The following KCNK12 variants were observed in gnomAD, a reference collection of about 807,000 sequenced individuals.
KCNK12 encodes the protein potassium channel subfamily K member 12.
A neutral mutation model predicts 25.3 loss-of-function variants in KCNK12; 6 were observed. The ratio of observed to expected loss-of-function variants is 0.24; its 90% CI spans 0.13 to 0.47. The LOEUF (loss-of-function observed/expected upper bound fraction) is 0.47. KCNK12 is among the 20% of genes least tolerant of loss of function. KCNK12 has a pLI of 0.99. For synonymous variants in KCNK12, 331 were observed against 311.1 expected (o/e 1.06, Z -0.67); for missense variants, 444 against 661.7 (o/e 0.67, Z 3.61).
rs1428777869 is a variant in KCNK12 at position 47,560,473 on chromosome 2, CA to C, written c.391+9467del. Among the ~76,000 whole-genome samples, 1 of 152,178 alleles carries C rather than the reference CA, an allele frequency of 6.6e-6. No individual in the cohort carries two copies. Among genetic ancestry groups the C allele is most frequent in the East Asian group, 1.9e-4 (1 of 5,192 alleles). On this transcript the variant is annotated intron_variant, in intron 1 of 1. Transcript: ENST00000327876. This position sits in a 1 kb window ranked among gnomAD's most constrained non-coding sequence, Gnocchi z 4.7. ...TGCCTCCTCATCCTCCTCCTCCACC[CA>C]CACAACCCTGCAGACCCCAGGCTGG... is the stretch of plus-strand genomic sequence containing the variant.
Position 47,538,643 on chromosome 2 carries a change from T to C in KCNK12, c.392-16835A>G, listed in dbSNP as rs1669128876. On this transcript the variant is annotated intron_variant, in intron 1 of 1. Coordinates refer to ENST00000327876, the MANE Select transcript of KCNK12 (RefSeq NM_022055.2). This position sits in a 1 kb window ranked among gnomAD's most constrained non-coding sequence, Gnocchi z 4.5. ...AAAATTAGCCAGGCATGGTGGTGCATGCCTGTAATCCCAGTTACTTGGAAG... is the reference window on the plus strand; with the variant it reads ...AAAATTAGCCAGGCATGGTGGTGCACGCCTGTAATCCCAGTTACTTGGAAG... 6.6e-6 allele frequency among the ~76,000 whole-genome samples: 1 copy of C among 152,110 alleles called. No homozygotes were observed. Among genetic ancestry groups the C allele is most frequent in the Non-Finnish European group, 1.5e-5 (1 of 68,026 alleles).
chr2:47,552,967 C>G (rs139500083), intron 1 of KCNK12, among the ~76,000 whole-genome samples: 1 of 152,112 alleles, frequency 6.6e-6, no homozygotes. Flanking sequence ...TATCTCTTAC[C>G]CCTTTTCTTT....
intron 1 of KCNK12, among the ~76,000 whole-genome samples, chr2:47,561,855 G>A (rs1023042074): frequency 6.6e-6 from 1 of 152,160 alleles, no homozygotes; most frequent in Non-Finnish European, 1.5e-5. Context: ...GGTGTGTTTA[G>A]AGTCGACACT....
rs974165965 is a variant in KCNK12 at position 47,556,140 on chromosome 2, G to C, written c.391+13801C>G. 1.3e-5 allele frequency among the ~76,000 whole-genome samples: 2 copies of C among 152,182 alleles called. No individual in the cohort carries two copies. The highest frequency in any genetic ancestry group is 2.9e-5 in the Non-Finnish European group (2 of 68,034). On this transcript the variant is annotated intron_variant, in intron 1 of 1. Coordinates refer to ENST00000327876, the MANE Select transcript of KCNK12 (RefSeq NM_022055.2). This position sits in a 1 kb window ranked among gnomAD's most constrained non-coding sequence, Gnocchi z 4.8. ...CAGAGAAATGGGAAAGTAGCAGGAG[G>C]GTGATGCAGGGTCTATTAAGAAGGA...
Position 47,569,872 on chromosome 2 carries a change from C to T in KCNK12, c.391+69G>A. ...GAGCCGAGGGACGCGGACCGAGCGG[C>T]CGAGCAGTGGAAAGGGCGGCAGGTG... On this transcript the variant is annotated intron_variant, in intron 1 of 1. Transcript: ENST00000327876. The surrounding 1 kb of genome is among the most constrained non-coding windows in gnomAD (Gnocchi z 4.1). 3.2e-6 allele frequency: 4 copies of T among 1,231,122 alleles called. No individual in the cohort carries two copies. In the South Asian group the frequency reaches 8.3e-5, roughly 26 times the overall value. 76.3% of individuals were successfully genotyped at this position (1,231,122 alleles called of 1,614,324 possible).
chr2:47,521,325 T>C lies in KCNK12; in HGVS notation c.875A>G (p.Tyr292Cys). The part of the protein sequence containing the change: ...LFILLGVCCI[Y>C]SLFNVISILI... ...GATGGAGATGACGTTGAAGAGCGAG[T>C]AAATGCAGCACACGCCGAGCAGGAT... is the stretch of plus-strand genomic sequence containing the variant. The change falls in exon 2 of 2, where the codon TAC becomes TGC. Residue 292 changes from tyrosine to cysteine, a missense_variant. Coordinates refer to ENST00000327876, the MANE Select transcript of KCNK12 (RefSeq NM_022055.2). 1 of 1,613,300 alleles carries C rather than the reference T, an allele frequency of 6.2e-7. No homozygotes were observed. The highest frequency in any genetic ancestry group is 8.5e-7 in the Non-Finnish European group (1 of 1,179,798).
chr2:47,532,427 T>G (rs1385434082), intron 1 of KCNK12, among the ~76,000 whole-genome samples: 2 of 152,028 alleles, frequency 1.3e-5, no homozygotes, highest in African/African-American at 4.8e-5. Flanking sequence ...AGTGGTATGA[T>G]CTTAGTTCAC....
chr2:47,539,810 C>A (rs994266084), intron 1 of KCNK12, among the ~76,000 whole-genome samples: 18 of 152,136 alleles, frequency 1.2e-4, no homozygotes, highest in African/African-American at 4.3e-4. Flanking sequence ...CCCGGGGAGG[C>A]CAAGGACATC....
chr2:47,564,629 C>CG (rs1448829649), intron 1 of KCNK12: 1 of 182,838 alleles, frequency 5.5e-6, no homozygotes, highest in Non-Finnish European at 1.2e-5. Flanking sequence ...TGACAAGGAA[C>CG]TGCAGGGGAA....
rs1432378971 is a variant in KCNK12 at position 47,533,628 on chromosome 2, C to T, written c.392-11820G>A. On this transcript the variant is annotated intron_variant, in intron 1 of 1. Transcript: ENST00000327876. This position sits in a 1 kb window ranked among gnomAD's most constrained non-coding sequence, Gnocchi z 4.7. The stretch of plus-strand genomic sequence containing the variant: ...CATCTCCCCACCTCTGGCTCACTTC[C>T]TGCTTTGGCCCCTACGCTGGGTAGG... 6.6e-6 allele frequency among the ~76,000 whole-genome samples: 1 copy of T among 152,248 alleles called. No individual in the cohort carries two copies. The highest frequency in any genetic ancestry group is 1.5e-5 in the Non-Finnish European group (1 of 68,046).
chr2:47,524,521 T>C (rs539083749), intron 1 of KCNK12, among the ~76,000 whole-genome samples: 2 of 152,172 alleles, frequency 1.3e-5, no homozygotes. Context: ...CAGCCTTTTT[T>C]AGGGATGCAT....
In KCNK12 at chr2:47,551,055, G is replaced by A. The variant is rs1165885088; in HGVS notation, c.391+18886C>T. On this transcript the variant is annotated intron_variant, in intron 1 of 1. Transcript: ENST00000327876. This position sits in a 1 kb window ranked among gnomAD's most constrained non-coding sequence, Gnocchi z 5.3. Reference sequence around the variant, plus strand: ...TGCTTCTTCTCAAAATCCTCCCGTGGCTCCCCATTTCACTCAGAGTAAAAC... The same window carrying A: ...TGCTTCTTCTCAAAATCCTCCCGTGACTCCCCATTTCACTCAGAGTAAAAC... 6.6e-6 allele frequency among the ~76,000 whole-genome samples: 1 copy of A among 151,984 alleles called. No individual in the cohort carries two copies. The highest frequency in any genetic ancestry group is 2.4e-5 in the African/African-American group (1 of 41,366).
intron 1 of KCNK12, among the ~76,000 whole-genome samples, chr2:47,537,322 G>A (rs1052128738): frequency 3.3e-5 from 5 of 150,170 alleles, no homozygotes; most frequent in African/African-American, 1.2e-4. Context: ...TTGTGAAAAT[G>A]GGTGATTTTC....
intron 1 of KCNK12, among the ~76,000 whole-genome samples, chr2:47,561,884 G>C (rs1034534748): frequency 6.6e-6 from 1 of 152,220 alleles, no homozygotes; most frequent in African/African-American, 2.4e-5. Flanking sequence ...CTGGAAGGAA[G>C]GATATGAGCC....
chr2:47,531,612 G>A (rs989534806), intron 1 of KCNK12, among the ~76,000 whole-genome samples: 1 of 152,214 alleles, frequency 6.6e-6, no homozygotes, highest in African/African-American at 2.4e-5. Flanking sequence ...TGCTGGTGAA[G>A]CCTGGCCCAT....
intron 1 of KCNK12, among the ~76,000 whole-genome samples, chr2:47,532,965 G>A (rs112497670): frequency 2.9e-4 from 44 of 152,180 alleles, no homozygotes; most frequent in African/African-American, 1.0e-3. Context: ...TTACCTTCTC[G>A]GACCCTCGCT....
intron 1 of KCNK12, chr2:47,563,663 A>T (rs1347453180): frequency 4.3e-6 from 1 of 232,716 alleles, no homozygotes; most frequent in East Asian, 6.0e-5. Flanking sequence ...ACTGGTCCGG[A>T]CTCCAGCCCC....
chr2:47,544,943 G>A (rs1180671121), intron 1 of KCNK12, among the ~76,000 whole-genome samples: 1 of 152,240 alleles, frequency 6.6e-6, no homozygotes, highest in Non-Finnish European at 1.5e-5. Flanking sequence ...TACTATTTTA[G>A]TGGTGAAGCT....
chr2:47,549,558 A>G (rs1669381647), intron 1 of KCNK12, among the ~76,000 whole-genome samples: 1 of 152,238 alleles, frequency 6.6e-6, no homozygotes, highest in South Asian at 2.1e-4. Flanking sequence ...AATATGTAAA[A>G]TATGCTCAAG....
Sources: allele counts gnomAD v4.1 joint callset (sites outside exome capture counted in the v4.1 genomes callset), GRCh38; gene constraint gnomAD v4.1.1; non-coding constraint Gnocchi (gnomAD v3.1); transcripts MANE v1.5; gene names NCBI Gene and HGNC (gene_info 2026-07-23, HGNC 2026-07-21).